WFS1: variants seen among roughly 807,000 people sequenced by gnomAD.
The protein encoded by WFS1 is wolframin ER transmembrane glycoprotein.
WFS1 carries 90 observed loss-of-function variants against 68.5 expected under a neutral mutation model. That is an observed-to-expected ratio of 1.31 (90% CI 1.11 to 1.56). The LOEUF (loss-of-function observed/expected upper bound fraction) is 1.56, where lower values mean the gene tolerates loss of function less well. Among genes scored for constraint, WFS1 ranks in the 40% most tolerant of loss-of-function variants. The pLI, the probability that WFS1 is intolerant of heterozygous loss-of-function variation, is 0.00. For missense variants in WFS1, 1,767 were observed against 1,232.6 expected (o/e 1.43, Z -6.49); for synonymous variants, 860 against 540.7 (o/e 1.59, Z -8.19).
chr4:6,281,281 C>G (rs1730161851), intron 2 of WFS1, among the ~76,000 whole-genome samples: 1 of 152,154 alleles, frequency 6.6e-6, no homozygotes, highest in Non-Finnish European at 1.5e-5. Flanking sequence ...ACCCCAGCTC[C>G]TACACTAAGG....
chr4:6,281,531 G>T (rs1274602813), intron 2 of WFS1, among the ~76,000 whole-genome samples: 1 of 152,190 alleles, frequency 6.6e-6, no homozygotes, highest in Non-Finnish European at 1.5e-5. Flanking sequence ...AGACATGGAG[G>T]GGAGAAAGCC....
chr4:6,300,764 C>T lies in WFS1; in HGVS notation c.969C>T (p.His323=), dbSNP rs749447837. 14 of 1,614,004 alleles carry T rather than the reference C, an allele frequency of 8.7e-6. No individual in the cohort carries two copies. Among genetic ancestry groups the T allele is most frequent in the Non-Finnish European group, 1.1e-5 (13 of 1,180,022 alleles). ...TGTCCACCATCATCCCCACGCACCA[C>T]ATCAACGCGCTCATCTTCTTCTTCA... ...HWLSTIIPTH[H]INALIFFFIV... The change falls in exon 8 of 8, where the codon CAC becomes CAT. Residue 323 remains histidine (H), a synonymous_variant. Coordinates refer to ENST00000226760, the MANE Select transcript of WFS1 (RefSeq NM_006005.3).
chr4:6,275,082 A>G (rs1729955169), intron 1 of WFS1, among the ~76,000 whole-genome samples: 1 of 152,188 alleles, frequency 6.6e-6, no homozygotes, highest in Admixed American at 6.5e-5. Flanking sequence ...AACTCACGAC[A>G]ATAGGACCTA....
At chr4:6,271,525 A>G (rs1333956678) in intron 1 of WFS1, among the ~76,000 whole-genome samples, 1 of 152,108 alleles carries the variant, frequency 6.6e-6, no homozygotes, top group African/African-American at 2.4e-5. Flanking sequence ...AAGAATCATA[A>G]TAGGTCGGGA....
chr4:6,270,817 C>T (rs1003560838), intron 1 of WFS1, among the ~76,000 whole-genome samples: 7 of 152,230 alleles, frequency 4.6e-5, no homozygotes, highest in Admixed American at 1.3e-4. Context: ...CCAGATTTAA[C>T]CCTCTCAGTA....
In WFS1 at chr4:6,301,953, A is replaced by C. The variant is rs1805070; in HGVS notation, c.2158A>C (p.Ile720Leu). 5.5e-5 allele frequency: 89 copies of C among 1,612,728 alleles called. 1 individual carries two copies. Among genetic ancestry groups the C allele is most frequent in the South Asian group, 6.6e-5 (6 of 91,076 alleles). Residue 720 changes from isoleucine to leucine, a missense_variant, in exon 8 of 8, where the codon ATC (isoleucine) becomes CTC (leucine). Physicochemically the swap from Ile to Leu is conservative, Grantham distance 5 (BLOSUM62 2). Transcript: ENST00000226760. ...TDIDNSAESA[I>L]NMLPFFIGDW... is the part of the protein sequence containing the mutation. ...CATCGACAACAGCGCCGAGTCTGCC[A>C]TCAACATGCTCCCGTTCTTCATCGG...
At chr4:6,296,321 A>T (rs1247328857) in intron 7 of WFS1, among the ~76,000 whole-genome samples, 1 of 152,170 alleles carries the variant, frequency 6.6e-6, no homozygotes, top group Non-Finnish European at 1.5e-5. Flanking sequence ...GACAGGTCTG[A>T]GTGTGAGCCC....
chr4:6,277,401 G>C (rs1177440448), intron 1 of WFS1, 50 bp from the exon 2 acceptor site: 2 of 1,522,282 alleles, frequency 1.3e-6, no homozygotes. Context: ...CTAAGTGCCA[G>C]AGCGGGCTCT....
rs1242334313 is a variant in WFS1, at chr4:6,300,849, C to G, written c.1054C>G (p.Leu352Val). 3 of 1,614,036 alleles carry G rather than the reference C, an allele frequency of 1.9e-6. No individual in the cohort carries two copies. The African/African-American group carries it at 4.0e-5, about 22-fold the overall frequency. ...AFFIPLVIFY[L>V]SFISMVICTL... ...CTTCATCCCGCTGGTCATCTTCTAC[C>G]TGTCCTTCATCTCCATGGTGATCTG... The change falls in exon 8 of 8, where the codon CTG (leucine) becomes GTG (valine). Residue 352 changes from leucine (L) to valine (V), a missense_variant. Coordinates refer to ENST00000226760, the MANE Select transcript of WFS1 (RefSeq NM_006005.3).
rs754346893 is a variant in WFS1 at position 6,277,587 on chromosome 4, C to T, written c.132C>T (p.Pro44=). 28 of 1,581,278 alleles carry T rather than the reference C, an allele frequency of 1.8e-5. No homozygotes were observed. In the East Asian group the frequency reaches 2.3e-4, roughly 13 times the overall value. Residue 44 remains proline (P), a synonymous_variant, in exon 2 of 8, where the codon CCC becomes CCT. Transcript: ENST00000226760. ...AGAGGAGCGAAAGGCCCCGAGCACC[C>T]GGACCCCAGGCTGGCCCTGGCCCTG... ...EQERSERPRA[P]GPQAGPGPGV...
intron 4 of WFS1, among the ~76,000 whole-genome samples, chr4:6,290,850 CTCTT>C (rs1203193627): frequency 1.3e-5 from 2 of 152,248 alleles, no homozygotes; most frequent in Non-Finnish European, 2.9e-5. Flanking sequence ...ACAGCTCTGC[CTCTT>C]TCTGACTGTG....
rs760938537 is a variant in WFS1 at position 6,301,856 on chromosome 4, G to T, written c.2061G>T (p.Gln687His). The change falls in exon 8 of 8, where the codon CAG becomes CAT. Residue 687 changes from glutamine to histidine, a missense_variant. Gln to His is a conservative substitution (Grantham distance 24). Coordinates refer to ENST00000226760, the MANE Select transcript of WFS1 (RefSeq NM_006005.3). Reference sequence around the variant, plus strand: ...AGGAGACCAACATGGCGCGCACCCAGATCCTCTGCAGCCACCTGGAGGGCC... The same window carrying T: ...AGGAGACCAACATGGCGCGCACCCATATCCTCTGCAGCCACCTGGAGGGCC... ...AWKETNMART[Q>H]ILCSHLEGHR... 2.5e-6 allele frequency: 4 copies of T among 1,613,050 alleles called. No individual in the cohort carries two copies. The highest frequency in any genetic ancestry group is 1.7e-5 in the Admixed American group (1 of 60,034).
chr4:6,271,756 C>T (rs368981303), intron 1 of WFS1, among the ~76,000 whole-genome samples: 12 of 152,198 alleles, frequency 7.9e-5, no homozygotes, highest in African/African-American at 2.9e-4. Context: ...TCCCTGGTCC[C>T]GATCCGGGCC....
chr4:6,277,382 C>T (rs1037825033), intron 1 of WFS1, 69 bp from the exon 2 acceptor site: 93 of 1,447,678 alleles, frequency 6.4e-5, no homozygotes, highest in Non-Finnish European at 8.4e-5. Context: ...TTTCTGTCTC[C>T]AGCAGACACT....
chr4:6,283,855 C>T lies in WFS1; in HGVS notation c.233-3238C>T, dbSNP rs540115008. Among the ~76,000 whole-genome samples the T allele has an allele frequency of 1.5e-4, 23 of 151,896 alleles. No individual in the cohort carries two copies. Among genetic ancestry groups the T allele is most frequent in the African/African-American group, 5.1e-4 (21 of 41,398 alleles). ...ATCAGAAAAAGCAAGGAACGGAGGTCGAGCACACAGAAAACACGTGTGTTT... is the reference window on the plus strand; with the variant it reads ...ATCAGAAAAAGCAAGGAACGGAGGTTGAGCACACAGAAAACACGTGTGTTT... On this transcript the variant is annotated intron_variant, in intron 2 of 7. Transcript: ENST00000226760. The surrounding 1 kb of genome is among the most constrained non-coding windows in gnomAD (Gnocchi z 5.0).
intron 6 of WFS1, among the ~76,000 whole-genome samples, chr4:6,294,476 TG>T (rs1730567962): frequency 1.0e-5 from 1 of 99,956 alleles, no homozygotes; most frequent in Non-Finnish European, 2.2e-5. Flanking sequence ...TGGATGGAGG[TG>T]TCAGCAGGCA....
At chr4:6,300,502 G>A (rs548798918) in intron 7 of WFS1, among the ~76,000 whole-genome samples, 155 bp from the exon 8 acceptor site, 4 of 152,082 alleles carry the variant, frequency 2.6e-5, no homozygotes, top group Non-Finnish European at 4.4e-5. Context: ...CCTGGAGAAG[G>A]GGGGAGGGAG....
chr4:6,289,217 CA>C, intron 4 of WFS1, 86 bp downstream of exon 4: 1 of 1,483,186 alleles, frequency 6.7e-7, no homozygotes, highest in Non-Finnish European at 9.0e-7. Context: ...AAAATCTTAC[CA>C]AACCTAACGC....
chr4:6,299,199 A>G lies in WFS1; in HGVS notation c.862-1458A>G, dbSNP rs958948650. Among the ~76,000 whole-genome samples, 33 of 152,214 alleles carry G rather than the reference A, an allele frequency of 2.2e-4. 1 individual carries two copies. On this transcript the variant is annotated intron_variant, in intron 7 of 7. Transcript: ENST00000226760. ...AGGGCCTCTGAGTTCTGCACAGACC[A>G]GGAAGGCATGAGGGCTGGCCCTGGG...
Sources: gnomAD v4.1 joint callset for allele counts (sites outside exome capture counted in the v4.1 genomes callset) on GRCh38, gnomAD v4.1.1 for gene constraint, Gnocchi (gnomAD v3.1) non-coding constraint, MANE v1.5 for transcripts, NCBI Gene and HGNC (gene_info 2026-07-23, HGNC 2026-07-21) for gene names.